SLC25A26: variants seen among roughly 807,000 people sequenced by gnomAD.
SLC25A26 encodes the protein solute carrier family 25 member 26.
A neutral mutation model predicts 37.8 loss-of-function variants in SLC25A26; 36 were observed. The ratio of observed to expected loss-of-function variants is 0.95; its 90% confidence interval spans 0.73 to 1.26. The LOEUF (loss-of-function observed/expected upper bound fraction) is 1.26, where lower values mean the gene tolerates loss of function less well. SLC25A26 is among the 50% of genes most tolerant of loss of function. SLC25A26 has a pLI of 0.00. For missense variants in SLC25A26, 390 were observed against 331.1 expected, an observed-to-expected ratio of 1.18 and a Z score of -1.38; for synonymous variants, 129 against 122.5, an observed-to-expected ratio of 1.05 and a Z score of -0.35.
chr3:66,353,557 C>T (rs536824323), intron 6 of SLC25A26, among the ~76,000 whole-genome samples: 1 of 152,224 alleles, frequency 6.6e-6, no homozygotes, highest in South Asian at 2.1e-4. Flanking sequence ...TTTGTATTGT[C>T]GTATACTCAA....
chr3:66,253,030 C>CA (rs1010106346), intron 3 of SLC25A26, among the ~76,000 whole-genome samples: 1 of 147,968 alleles, frequency 6.8e-6, no homozygotes, highest in Non-Finnish European at 1.5e-5. Flanking sequence ...AATGCCCCCC[C>CA]CCCCCCATAA....
chr3:66,325,635 G>GC (rs2075818206), intron 5 of SLC25A26, among the ~76,000 whole-genome samples: 1 of 152,170 alleles, frequency 6.6e-6, no homozygotes, highest in African/African-American at 2.4e-5. Flanking sequence ...GGTGATAAGG[G>GC]GGTGCAGGGA....
At chr3:66,334,530 G>T (rs917243483) in intron 5 of SLC25A26, among the ~76,000 whole-genome samples, 1 of 152,022 alleles carries the variant, frequency 6.6e-6, no homozygotes, top group Non-Finnish European at 1.5e-5. Flanking sequence ...TGGCCAGGCT[G>T]GTCTCGAACT....
At chr3:66,203,357 GGTGATGAGA>G (rs2071133627) in intron 1 of SLC25A26, among the ~76,000 whole-genome samples, 3 of 151,864 alleles carry the variant, frequency 2.0e-5, no homozygotes, top group Non-Finnish European at 4.4e-5. Context: ...CTCCAGCCTG[GGTGATGAGA>G]GTGAGACCCT....
At chr3:66,177,496 C>T (rs564964941) in intron 1 of SLC25A26, among the ~76,000 whole-genome samples, 2 of 152,310 alleles carry the variant, frequency 1.3e-5, no homozygotes, top group Admixed American at 1.3e-4. Context: ...ACCCTTTGAG[C>T]TACTGACCTC....
At chr3:66,324,302 A>G (rs1398260515) in intron 5 of SLC25A26, 2 of 151,008 alleles carry the variant, frequency 1.3e-5, no homozygotes, top group African/African-American at 4.9e-5. Context: ...TAGTGGATTG[A>G]AGCTGGTTTT....
chr3:66,277,250 A>G (rs1200426017), intron 5 of SLC25A26, among the ~76,000 whole-genome samples: 1 of 152,172 alleles, frequency 6.6e-6, no homozygotes, highest in Non-Finnish European at 1.5e-5. Flanking sequence ...ATTGAAGCAA[A>G]TACCAGACAT....
At chr3:66,371,223 C>A in intron 9 of SLC25A26, 1 of 1,524,016 alleles carries the variant, frequency 6.6e-7, no homozygotes, top group Non-Finnish European at 8.8e-7. Flanking sequence ...CAGGGATTTT[C>A]TTGCAAGAGC....
At chr3:66,146,047 A>C (rs894595612) in intron 1 of SLC25A26, among the ~76,000 whole-genome samples, 2 of 152,194 alleles carry the variant, frequency 1.3e-5, no homozygotes, top group African/African-American at 4.8e-5. Flanking sequence ...CCGTTTAAAA[A>C]TCTAATAATT....
intron 5 of SLC25A26, among the ~76,000 whole-genome samples, chr3:66,275,152 C>T (rs2074094879): frequency 6.7e-6 from 1 of 148,242 alleles, no homozygotes; most frequent in East Asian, 2.0e-4. Context: ...ATCGCAAGGA[C>T]AAAAAACCAA....
intron 1 of SLC25A26, among the ~76,000 whole-genome samples, chr3:66,158,180 CT>C (rs1333228511): frequency 6.6e-6 from 1 of 152,184 alleles, no homozygotes; most frequent in Admixed American, 6.5e-5. Flanking sequence ...GTACGGCAGC[CT>C]TTTTGAGGCT....
intron 5 of SLC25A26, among the ~76,000 whole-genome samples, chr3:66,289,463 G>A (rs891395637): frequency 2.6e-5 from 4 of 152,116 alleles, no homozygotes; most frequent in Admixed American, 1.3e-4. Flanking sequence ...TAGGTCTAAC[G>A]TTTAAGTCTT....
intron 5 of SLC25A26, among the ~76,000 whole-genome samples, chr3:66,274,714 C>G (rs934533992): frequency 7.2e-5 from 11 of 152,114 alleles, no homozygotes; most frequent in African/African-American, 2.7e-4. Context: ...CCATCTCACA[C>G]CAGTTAGAAT....
chr3:66,352,421 G>A lies in SLC25A26; in HGVS notation c.498+6013G>A, dbSNP rs372782142. Reference sequence around the variant, plus strand: ...GTGCTGCTGCCTAGCGCCTCCCCTCGTTTTTTGTTTTTTGTTTTTTGTTTT... The same window carrying A: ...GTGCTGCTGCCTAGCGCCTCCCCTCATTTTTTGTTTTTTGTTTTTTGTTTT... On this transcript the variant is annotated intron_variant, in intron 6 of 9. Transcript: ENST00000354883. 7.1e-4 allele frequency among the ~76,000 whole-genome samples: 90 copies of A among 126,560 alleles called. No homozygotes were observed. In the Admixed American group the frequency reaches 7.2e-3, roughly 10 times the overall value. The allele number at this position is 126,560 out of a possible 152,430, so 83.0% of individuals were successfully genotyped here.
intron 1 of SLC25A26, among the ~76,000 whole-genome samples, chr3:66,221,891 G>A (rs2071513297): frequency 6.6e-6 from 1 of 151,638 alleles, no homozygotes; most frequent in Non-Finnish European, 1.5e-5. Context: ...ATTTTCATAG[G>A]GAAAATGGAG....
At chr3:66,303,727 T>G (rs1394244597) in intron 5 of SLC25A26, among the ~76,000 whole-genome samples, 1 of 152,202 alleles carries the variant, frequency 6.6e-6, no homozygotes, top group African/African-American at 2.4e-5. Flanking sequence ...ATATTGATGA[T>G]CTCATGGGTC....
intron 5 of SLC25A26, among the ~76,000 whole-genome samples, chr3:66,345,621 C>G (rs1263031497): frequency 6.6e-6 from 1 of 151,656 alleles, no homozygotes; most frequent in African/African-American, 2.4e-5. Flanking sequence ...TCTCTTCCTG[C>G]TCCCTCTCTC....
chr3:66,369,881 C>A (rs1287859092), intron 8 of SLC25A26, among the ~76,000 whole-genome samples: 1 of 152,120 alleles, frequency 6.6e-6, no homozygotes, highest in African/African-American at 2.4e-5. Context: ...AGGCTTTGAA[C>A]CTAGGGTCAT....
At chr3:66,192,247 C>G (rs986095033) in intron 1 of SLC25A26, among the ~76,000 whole-genome samples, 1 of 138,020 alleles carries the variant, frequency 7.2e-6, no homozygotes, top group East Asian at 2.2e-4. Context: ...ACCTGGGAGG[C>G]GGAGGTTGCA....
Sources: allele counts gnomAD v4.1 joint callset (sites outside exome capture counted in the v4.1 genomes callset), GRCh38; gene constraint gnomAD v4.1.1; transcripts MANE v1.5; gene names NCBI Gene and HGNC (gene_info 2026-07-23, HGNC 2026-07-21).